The following ROBO2 variants were observed in gnomAD, a reference collection of about 807,000 sequenced individuals.
ROBO2 encodes roundabout homolog 2.
In ROBO2, 53 loss-of-function variants were observed where a neutral mutation model predicts 160.8. The ratio of observed to expected loss-of-function variants is 0.33; its 90% confidence interval spans 0.26 to 0.41. The LOEUF (loss-of-function observed/expected upper bound fraction) is 0.41. ROBO2 is among the 10% of genes least tolerant of loss of function. The pLI is 1.00. For synonymous variants in ROBO2, 664 were observed against 611.7 expected, an observed-to-expected ratio of 1.09 and a Z score of -1.26; for missense variants, 1,577 against 1,722.4, an observed-to-expected ratio of 0.92 and a Z score of 1.49.
chr3:77,116,565 A>G (rs1325844386), intron 2 of ROBO2, among the ~76,000 whole-genome samples: 1 of 110,646 alleles, frequency 9.0e-6, no homozygotes, highest in African/African-American at 6.2e-5. Context: ...GGACACTTAG[A>G]AAAAAATACA....
At chr3:77,111,689 G>C (rs2073598385) in intron 2 of ROBO2, among the ~76,000 whole-genome samples, 1 of 152,056 alleles carries the variant, frequency 6.6e-6, no homozygotes, top group African/African-American at 2.4e-5. Flanking sequence ...TTTAGGGGAA[G>C]GGAAAGAAAA....
intron 2 of ROBO2, among the ~76,000 whole-genome samples, chr3:76,584,248 T>C (rs2085887967): frequency 6.6e-6 from 1 of 152,104 alleles, no homozygotes; most frequent in Non-Finnish European, 1.5e-5. Flanking sequence ...CCTTATAATC[T>C]CACTGCAGTC....
intron 2 of ROBO2, among the ~76,000 whole-genome samples, chr3:77,330,151 C>G (rs906900266): frequency 1.3e-4 from 20 of 152,220 alleles, no homozygotes; most frequent in African/African-American, 4.6e-4. Context: ...TACAAATTCT[C>G]TGTGTCAGAG....
At chr3:77,579,158 T>G (rs1431669795) in intron 15 of ROBO2, among the ~76,000 whole-genome samples, 1 of 152,174 alleles carries the variant, frequency 6.6e-6, no homozygotes, top group East Asian at 1.9e-4. Context: ...AATACAAATG[T>G]GGATACACAG....
At chr3:76,585,942 G>T (rs1190806827) in intron 2 of ROBO2, among the ~76,000 whole-genome samples, 1 of 152,112 alleles carries the variant, frequency 6.6e-6, no homozygotes, top group Middle Eastern at 3.2e-3. Context: ...GCTAACAGAG[G>T]CATATGATTT....
At chr3:76,323,115 A>G (rs961109688) in intron 2 of ROBO2, among the ~76,000 whole-genome samples, 4 of 144,894 alleles carry the variant, frequency 2.8e-5, no homozygotes, top group Non-Finnish European at 6.0e-5. Context: ...ACTATACTCA[A>G]ATCTTTTACT....
intron 2 of ROBO2, among the ~76,000 whole-genome samples, chr3:76,450,531 G>GTCA (rs2077421781): frequency 6.6e-6 from 1 of 152,098 alleles, no homozygotes; most frequent in Non-Finnish European, 1.5e-5. Flanking sequence ...TCCCAGGCTA[G>GTCA]TCACCAACTC....
chr3:76,445,140 G>C (rs1419356517), intron 2 of ROBO2, among the ~76,000 whole-genome samples: 2 of 152,038 alleles, frequency 1.3e-5, no homozygotes, highest in African/African-American at 2.4e-5. Context: ...TTTCTAAGTA[G>C]TTAATCCATA....
intron 2 of ROBO2, among the ~76,000 whole-genome samples, chr3:76,175,204 T>C (rs1209520967): frequency 6.6e-6 from 1 of 152,014 alleles, no homozygotes; most frequent in African/African-American, 2.4e-5. Flanking sequence ...TTTTTGGACA[T>C]TGATTTTGCA....
chr3:76,871,895 T>C (rs1270209330), intron 2 of ROBO2, among the ~76,000 whole-genome samples: 3 of 152,198 alleles, frequency 2.0e-5, no homozygotes, highest in East Asian at 3.9e-4. Context: ...CAGATGGCCA[T>C]AGGGATGTAA....
chr3:76,768,565 T>C (rs2061696568), intron 2 of ROBO2, among the ~76,000 whole-genome samples: 1 of 151,246 alleles, frequency 6.6e-6, no homozygotes, highest in South Asian at 2.1e-4. Flanking sequence ...AACTATATAC[T>C]GTATAGTAGA....
intron 2 of ROBO2, among the ~76,000 whole-genome samples, chr3:76,202,549 G>T (rs1375651143): frequency 1.3e-5 from 2 of 152,126 alleles, no homozygotes; most frequent in African/African-American, 2.4e-5. Context: ...TTATTAAATG[G>T]ATCATAGGTG....
At chr3:76,828,821 T>G (rs1352094828) in intron 2 of ROBO2, among the ~76,000 whole-genome samples, 1 of 152,040 alleles carries the variant, frequency 6.6e-6, no homozygotes, top group Non-Finnish European at 1.5e-5. Context: ...CTAATCAACC[T>G]GACATAGCCA....
At chr3:77,366,254 A>G (rs1364456763) in intron 2 of ROBO2, among the ~76,000 whole-genome samples, 1 of 152,160 alleles carries the variant, frequency 6.6e-6, no homozygotes, top group African/African-American at 2.4e-5. Context: ...CTTCTCTGCT[A>G]CAGACAATTC....
intron 2 of ROBO2, among the ~76,000 whole-genome samples, chr3:76,130,031 A>C (rs1450345623): frequency 6.6e-6 from 1 of 152,108 alleles, no homozygotes; most frequent in Non-Finnish European, 1.5e-5. Context: ...AATATATTTA[A>C]GACAGTGAAT....
chr3:77,396,412 G>A (rs1213366794), intron 2 of ROBO2, among the ~76,000 whole-genome samples: 2 of 152,034 alleles, frequency 1.3e-5, no homozygotes, highest in Non-Finnish European at 2.9e-5. Flanking sequence ...CAATCACAAT[G>A]TAGAGACAAA....
At chr3:76,815,000 G>C (rs531502576) in intron 2 of ROBO2, among the ~76,000 whole-genome samples, 1 of 152,062 alleles carries the variant, frequency 6.6e-6, no homozygotes, top group South Asian at 2.1e-4. Flanking sequence ...TTTCCCTTCA[G>C]TTATGATGTT....
At chr3:76,741,898 T>C (rs1438553718) in intron 2 of ROBO2, among the ~76,000 whole-genome samples, 3 of 152,194 alleles carry the variant, frequency 2.0e-5, no homozygotes, top group African/African-American at 7.2e-5. Context: ...AATGGCCTTC[T>C]TTTTATGCCC....
rs538311736 is a variant in ROBO2, at chr3:76,376,163, A to G, written c.109+438561A>G. Among the ~76,000 whole-genome samples the G allele has an allele frequency of 2.6e-5, 4 of 152,202 alleles. 1 individual carries two copies. In the South Asian group the frequency reaches 8.3e-4, roughly 31 times the overall value. On this transcript the variant is annotated intron_variant, in intron 2 of 26. Transcript: ENST00000487694. ...TCCTATTCTTGGTCTTAAAATAGTT[A>G]TCTACTTTCTTAATGAGCCTACTTT...
Sources: allele counts gnomAD v4.1 joint callset (sites outside exome capture counted in the v4.1 genomes callset), GRCh38; gene constraint gnomAD v4.1.1; transcripts MANE v1.5; gene names NCBI Gene and HGNC (gene_info 2026-07-23, HGNC 2026-07-21).